SPTAN1: variants seen among roughly 807,000 people sequenced by gnomAD.
SPTAN1 encodes spectrin alpha chain, non-erythrocytic 1.
SPTAN1 carries 61 observed loss-of-function variants against 331.3 expected under a neutral mutation model. The observed-to-expected ratio is 0.18, with a 90% confidence interval of 0.15 to 0.23. The LOEUF is 0.23. Ranked by LOEUF, SPTAN1 falls within the 10% of genes least tolerant of loss-of-function variation. SPTAN1 has a pLI of 1.00. For missense variants in SPTAN1, 2,043 were observed against 3,147.9 expected, an observed-to-expected ratio of 0.65 and a Z score of 8.40; for synonymous variants, 1,153 against 1,173.9, an observed-to-expected ratio of 0.98 and a Z score of 0.36.
Position 128,612,265 on chromosome 9 carries a change from T to C in SPTAN1, c.5043+19T>C. ...GTCTGAGGTAACACTGAGTGGTTCC[T>C]CTTCCTACCAGTGGGGGATTTCTAG... On this transcript the variant is annotated intron_variant, in intron 39 of 56. Coordinates refer to ENST00000372739, the MANE Select transcript of SPTAN1 (RefSeq NM_001130438.3). 2 of 1,614,150 alleles carry C rather than the reference T, an allele frequency of 1.2e-6. No homozygotes were observed. Among genetic ancestry groups the C allele is most frequent in the Non-Finnish European group, 1.7e-6 (2 of 1,180,000 alleles).
intron 3 of SPTAN1, among the ~76,000 whole-genome samples, chr9:128,572,208 T>C (rs1470826544): frequency 1.3e-5 from 2 of 152,212 alleles, no homozygotes; most frequent in Non-Finnish European, 2.9e-5. Context: ...CTTCTTTGCT[T>C]AATGTTTCCA....
intron 37 of SPTAN1, among the ~76,000 whole-genome samples, chr9:128,609,923 G>C (rs1245984842): frequency 6.6e-6 from 1 of 152,174 alleles, no homozygotes; most frequent in African/African-American, 2.4e-5. Context: ...TACAGTGTTT[G>C]ATTTGCGGGG....
intron 20 of SPTAN1, among the ~76,000 whole-genome samples, chr9:128,588,590 T>C (rs1852993685): frequency 6.6e-6 from 1 of 151,990 alleles, no homozygotes; most frequent in African/African-American, 2.4e-5. Flanking sequence ...AGATTACACG[T>C]ATGAGCCACC....
chr9:128,598,308 C>G, intron 24 of SPTAN1, 92 bp from the exon 25 acceptor site: 1 of 915,512 alleles, frequency 1.1e-6, no homozygotes, highest in South Asian at 1.4e-5. Flanking sequence ...GTAGAAGAAT[C>G]CTTATAGTTT....
intron 28 of SPTAN1, among the ~76,000 whole-genome samples, chr9:128,603,903 G>A (rs1013578431): frequency 2.0e-5 from 3 of 152,250 alleles, no homozygotes; most frequent in Non-Finnish European, 4.4e-5. Flanking sequence ...CCTGCAGTGC[G>A]AGGTCCTGTG....
chr9:128,615,720 C>T lies in SPTAN1; in HGVS notation c.5237C>T (p.Thr1746Ile). The T allele has an allele frequency of 1.9e-6, 3 of 1,614,222 alleles. No homozygotes were observed. The highest frequency in any genetic ancestry group is 1.7e-6 in the Non-Finnish European group (2 of 1,180,048). Residue 1746 changes from threonine (T) to isoleucine (I), a missense_variant, in exon 41 of 57, where the codon ACC becomes ATC. Coordinates refer to ENST00000372739, the MANE Select transcript of SPTAN1 (RefSeq NM_001130438.3). ...DTSQVKDKRD[T>I]INGRFQKIKS... is the part of the protein sequence containing the mutation. ...TCCCAAGTAAAGGACAAGAGGGACACCATCAACGGGCGCTTCCAGAAGATC... is the reference window on the plus strand; with the variant it reads ...TCCCAAGTAAAGGACAAGAGGGACATCATCAACGGGCGCTTCCAGAAGATC...
chr9:128,630,374 A>G lies in SPTAN1; in HGVS notation c.6761A>G (p.Lys2254Arg), dbSNP rs764018700. The G allele has an allele frequency of 6.2e-7, 1 of 1,612,144 alleles. No individual in the cohort carries two copies. The highest frequency in any genetic ancestry group is 8.5e-7 in the Non-Finnish European group (1 of 1,179,938). ...CTCGAATCCCAGCTTGAAGCTACCA[A>G]AGTAAGTGCCCGTGGGGCTCTGGCC... The part of the protein sequence containing the change: ...GTLESQLEAT[K>R]RKHQEIRAMR... The change falls in exon 52 of 57, where the codon AAA becomes AGA. Residue 2254 changes from lysine to arginine, a missense_variant and splice_region_variant. By Grantham distance (26) the Lys-to-Arg change is conservative (BLOSUM62 2). Transcript: ENST00000372739.
intron 41 of SPTAN1, among the ~76,000 whole-genome samples, chr9:128,617,331 A>G (rs1241641740): frequency 1.3e-5 from 2 of 152,090 alleles, no homozygotes; most frequent in African/African-American, 4.8e-5. Context: ...TTTAGTATAC[A>G]TGATTGATAT....
intron 24 of SPTAN1, among the ~76,000 whole-genome samples, chr9:128,594,675 AC>A (rs958809869): frequency 2.6e-4 from 39 of 149,846 alleles, no homozygotes; most frequent in African/African-American, 9.1e-4. Context: ...CAGGTGATCC[AC>A]CCGCCTCAGG....
chr9:128,630,200 G>C (rs1564325314), intron 51 of SPTAN1, 121 bp from the exon 52 acceptor site: 1 of 1,079,752 alleles, frequency 9.3e-7, no homozygotes, highest in Middle Eastern at 2.0e-4. Context: ...TTGCAGTTAG[G>C]TTTGGTTTCC....
At chr9:128,604,819 T>C (rs577428232) in intron 29 of SPTAN1, among the ~76,000 whole-genome samples, 40 of 152,120 alleles carry the variant, frequency 2.6e-4, no homozygotes, top group African/African-American at 2.4e-5. Flanking sequence ...TAATCCTAGC[T>C]ACTTGGGAGG....
chr9:128,608,408 CT>C, intron 34 of SPTAN1, 132 bp downstream of exon 34: 1 of 1,136,222 alleles, frequency 8.8e-7, no homozygotes, highest in South Asian at 1.4e-5. Flanking sequence ...CATAAATAAT[CT>C]TTAAAACTTT....
intron 1 of SPTAN1, among the ~76,000 whole-genome samples, chr9:128,560,833 A>G (rs891732012): frequency 4.0e-5 from 6 of 149,974 alleles, no homozygotes; most frequent in African/African-American, 1.2e-4. Context: ...TCTGGCCAAT[A>G]TGGTGAAACC....
At chr9:128,598,870 A>T in intron 25 of SPTAN1, 93 bp from the exon 26 acceptor site, 3 of 1,148,056 alleles carry the variant, frequency 2.6e-6, no homozygotes, top group Non-Finnish European at 4.0e-6. Context: ...TTTTGGAATT[A>T]TCTCCTGTGT....
rs372877240 is a variant in SPTAN1 at position 128,581,928 on chromosome 9, C to G, written c.1572+36C>G. The G allele has an allele frequency of 1.0e-5, 15 of 1,445,728 alleles. No homozygotes were observed. The African/African-American group carries it at 1.8e-4, about 18-fold the overall frequency. The allele number at this position is 1,445,728 out of a possible 1,614,324, so 89.6% of individuals were successfully genotyped here. On this transcript the variant is annotated intron_variant, in intron 12 of 56. Coordinates refer to ENST00000372739, the MANE Select transcript of SPTAN1 (RefSeq NM_001130438.3). ...TTCTTGTCAGTGCTTTCAAATGACCCTTATAGTAAGCCAGAGTCTTTTTCC... is the reference window on the plus strand; with the variant it reads ...TTCTTGTCAGTGCTTTCAAATGACCGTTATAGTAAGCCAGAGTCTTTTTCC...
At chr9:128,558,481 A>G (rs1848914032) in intron 1 of SPTAN1, among the ~76,000 whole-genome samples, 1 of 152,380 alleles carries the variant, frequency 6.6e-6, no homozygotes, top group Middle Eastern at 3.4e-3. Flanking sequence ...TGGCAAAATC[A>G]GAGACAGTTG....
chr9:128,589,053 C>G, intron 21 of SPTAN1, 110 bp downstream of exon 21: 5 of 1,481,746 alleles, frequency 3.4e-6, no homozygotes, highest in Non-Finnish European at 4.6e-6. Flanking sequence ...GCTTAGAATT[C>G]AAAGACATGA....
At chr9:128,590,423 G>A (rs1391228532) in intron 21 of SPTAN1, among the ~76,000 whole-genome samples, 2 of 151,974 alleles carry the variant, frequency 1.3e-5, no homozygotes, top group African/African-American at 2.4e-5. Context: ...ACTCGATGAA[G>A]CCGGGCATGG....
Position 128,611,706 on chromosome 9 carries a change from A to T in SPTAN1, c.4774-8A>T. The T allele has an allele frequency of 6.2e-7, 1 of 1,613,834 alleles. No homozygotes were observed. On this transcript the variant is annotated splice_polypyrimidine_tract_variant and splice_region_variant and intron_variant, in intron 37 of 56. Coordinates refer to ENST00000372739, the MANE Select transcript of SPTAN1 (RefSeq NM_001130438.3). ...CTGGTTTGGAAAAAATTTTTTTGGT[A>T]TTTTTAGAGCAAGCACCAGAAGCAC...
Sources: allele counts gnomAD v4.1 joint callset (sites outside exome capture counted in the v4.1 genomes callset), GRCh38; gene constraint gnomAD v4.1.1; transcripts MANE v1.5; gene names NCBI Gene and HGNC (gene_info 2026-07-23, HGNC 2026-07-21).